The following ANKIB1 variants were observed in gnomAD, a reference collection of about 807,000 sequenced individuals.
ANKIB1 encodes ankyrin repeat and IBR domain containing 1, also known as ankyrin repeat and IBR domain-containing protein 1.
Under a neutral mutation model 122.1 loss-of-function variants are expected in ANKIB1, and 43 were observed. That is an observed-to-expected ratio of 0.35 (90% CI 0.28 to 0.45). ANKIB1 has a LOEUF of 0.45. ANKIB1 is among the 20% of genes least tolerant of loss of function. The probability of loss-of-function intolerance (pLI) is 1.00; values close to 1 mark genes in which losing one functional copy is unlikely to be tolerated. For missense variants in ANKIB1, 992 were observed against 1,329.5 expected, an observed-to-expected ratio of 0.75 and a Z score of 3.95; for synonymous variants, 390 against 442.0, an observed-to-expected ratio of 0.88 and a Z score of 1.48.
At chr7:92,291,313 A>T (rs1202435338) in intron 1 of ANKIB1, among the ~76,000 whole-genome samples, 2 of 151,876 alleles carry the variant, frequency 1.3e-5, no homozygotes, top group African/African-American at 4.8e-5. Flanking sequence ...AAAAAAGAGT[A>T]TAATTGGTTT....
At chr7:92,389,868 G>T in intron 14 of ANKIB1, 103 bp from the exon 15 acceptor site, 1 of 1,240,730 alleles carries the variant, frequency 8.1e-7, no homozygotes, top group Non-Finnish European at 1.1e-6. Context: ...TTGTCCTAAT[G>T]ATCCTTCTTT....
intron 1 of ANKIB1, among the ~76,000 whole-genome samples, chr7:92,283,105 T>C (rs1292856800): frequency 6.6e-6 from 1 of 152,184 alleles, no homozygotes; most frequent in Non-Finnish European, 1.5e-5. Flanking sequence ...AGCCAGAATA[T>C]ATTGTATTAT....
At chr7:92,312,363 T>A (rs1802708952) in intron 3 of ANKIB1, among the ~76,000 whole-genome samples, 1 of 152,214 alleles carries the variant, frequency 6.6e-6, no homozygotes, top group South Asian at 2.1e-4. Flanking sequence ...GGACAGACTA[T>A]AACTAAAGCA....
At chr7:92,387,304 A>G (rs1212284559) in intron 12 of ANKIB1, among the ~76,000 whole-genome samples, 1 of 152,134 alleles carries the variant, frequency 6.6e-6, no homozygotes, top group Non-Finnish European at 1.5e-5. Flanking sequence ...TTTAGGGGGA[A>G]TACCATTAGT....
intron 1 of ANKIB1, among the ~76,000 whole-genome samples, chr7:92,271,317 C>T (rs1012818915): frequency 1.3e-5 from 2 of 152,182 alleles, no homozygotes; most frequent in African/African-American, 2.4e-5. Context: ...TTGTATGAAT[C>T]TGTGTCTGTC....
At chr7:92,272,522 A>T (rs971275826) in intron 1 of ANKIB1, among the ~76,000 whole-genome samples, 1 of 152,228 alleles carries the variant, frequency 6.6e-6, no homozygotes, top group African/African-American at 2.4e-5. Context: ...AGGAAGATTT[A>T]GCCTAAGACT....
At chr7:92,368,337 G>A (rs1804145867) in intron 10 of ANKIB1, among the ~76,000 whole-genome samples, 1 of 151,206 alleles carries the variant, frequency 6.6e-6, no homozygotes, top group Admixed American at 6.6e-5. Context: ...TGTAACTGAA[G>A]TGAAGAGAAG....
Position 92,253,639 on chromosome 7 carries a change from A to C in ANKIB1, c.-91+7120A>C, listed in dbSNP as rs545267040. Among the ~76,000 whole-genome samples the C allele has an allele frequency of 2.0e-5, 3 of 152,330 alleles. No homozygotes were observed. The East Asian group carries it at 5.8e-4, about 29-fold the overall frequency. On this transcript the variant is annotated intron_variant, in intron 1 of 19. Transcript: ENST00000265742. Reference sequence around the variant, plus strand: ...ATATACACATAGTTTCCCCAGACACAAATGGTAACATACCATATTAAATAT... The same window carrying C: ...ATATACACATAGTTTCCCCAGACACCAATGGTAACATACCATATTAAATAT...
chr7:92,298,043 A>G (rs1368208211), intron 2 of ANKIB1, among the ~76,000 whole-genome samples: 1 of 152,100 alleles, frequency 6.6e-6, no homozygotes, highest in South Asian at 2.1e-4. Flanking sequence ...TTCATCCCCA[A>G]CTACTCTGAC....
At chr7:92,336,180 G>A (rs1166127296) in intron 5 of ANKIB1, among the ~76,000 whole-genome samples, 1 of 151,726 alleles carries the variant, frequency 6.6e-6, no homozygotes, top group Non-Finnish European at 1.5e-5. Flanking sequence ...TTTTTTCTCT[G>A]TTCTTCAGAT....
intron 10 of ANKIB1, among the ~76,000 whole-genome samples, chr7:92,369,652 A>G (rs981636128): frequency 2.6e-5 from 4 of 152,158 alleles, no homozygotes; most frequent in Non-Finnish European, 5.9e-5. Flanking sequence ...AGTAGAGCCA[A>G]CCATTTACCC....
intron 10 of ANKIB1, among the ~76,000 whole-genome samples, chr7:92,363,660 A>G (rs1804003039): frequency 6.6e-6 from 1 of 152,190 alleles, no homozygotes; most frequent in African/African-American, 2.4e-5. Context: ...GCCTCGTAGT[A>G]GGTAATTACT....
chr7:92,327,518 G>A (rs1340264028), intron 4 of ANKIB1, among the ~76,000 whole-genome samples: 1 of 152,076 alleles, frequency 6.6e-6, no homozygotes, highest in East Asian at 1.9e-4. Flanking sequence ...CTCTAGGTTA[G>A]TTATTAACTA....
At position 92,334,423 on chromosome 7, in the gene ANKIB1, T is replaced by TG. The variant is rs536277234; in HGVS notation, c.787+6526dup. On this transcript the variant is annotated intron_variant, in intron 5 of 19. Transcript: ENST00000265742. ...CAATGAGAAAATTTGAGGAACCATA[T>TG]GGGACATGCATTCCAGATGTAGTAT... Among the ~76,000 whole-genome samples, 440 of 152,174 alleles carry TG rather than the reference T, an allele frequency of 2.9e-3. 4 individuals are homozygous for TG. Among genetic ancestry groups the TG allele is most frequent in the African/African-American group, 0.01 (418 of 41,558 alleles).
chr7:92,382,352 T>C (rs1244320696), intron 11 of ANKIB1, among the ~76,000 whole-genome samples: 1 of 152,188 alleles, frequency 6.6e-6, no homozygotes, highest in Non-Finnish European at 1.5e-5. Context: ...TCAACAAGGA[T>C]ATCCAGGACT....
intron 11 of ANKIB1, among the ~76,000 whole-genome samples, chr7:92,381,417 G>A (rs1293098246): frequency 6.6e-6 from 1 of 152,094 alleles, no homozygotes; most frequent in African/African-American, 2.4e-5. Flanking sequence ...CTCAAGAAGA[G>A]CAACCCCAAG....
At chr7:92,296,913 C>A (rs1158735326) in intron 2 of ANKIB1, among the ~76,000 whole-genome samples, 1 of 151,958 alleles carries the variant, frequency 6.6e-6, no homozygotes, top group African/African-American at 2.4e-5. Context: ...TTTTTTGCTT[C>A]TATCTTTCAT....
At chr7:92,370,253 A>G (rs1804206465) in intron 10 of ANKIB1, among the ~76,000 whole-genome samples, 1 of 152,022 alleles carries the variant, frequency 6.6e-6, no homozygotes, top group Admixed American at 6.6e-5. Context: ...TCACTCCTGT[A>G]ATCCCAGCAC....
At chr7:92,372,379 G>A (rs939558262) in intron 11 of ANKIB1, among the ~76,000 whole-genome samples, 5 of 152,114 alleles carry the variant, frequency 3.3e-5, no homozygotes, top group Non-Finnish European at 7.4e-5. Flanking sequence ...AGGTTAGTAT[G>A]CAAATAATAC....
Sources: allele counts gnomAD v4.1 joint callset (sites outside exome capture counted in the v4.1 genomes callset), GRCh38; gene constraint gnomAD v4.1.1; transcripts MANE v1.5; gene names NCBI Gene and HGNC (gene_info 2026-07-23, HGNC 2026-07-21).